Variants in YIPF4 observed in about 807,000 individuals in gnomAD.
YIPF4 encodes Yip1 domain family member 4.
A neutral mutation model predicts 29.4 loss-of-function variants in YIPF4; 18 were observed. That is an observed-to-expected ratio of 0.61 (90% confidence interval 0.42 to 0.91). The LOEUF is 0.91. Ranked by LOEUF, YIPF4 falls within the 40% of genes least tolerant of loss-of-function variation. The pLI is 0.00. For missense variants in YIPF4, 279 were observed against 282.7 expected (o/e 0.99, Z 0.09); for synonymous variants, 115 against 104.7 (o/e 1.10, Z -0.60).
At position 32,315,789 on chromosome 2, in the gene YIPF4, C is replaced by T. The variant is rs1377617713; in HGVS notation, c.*10163C>T. 1 of 151,596 alleles carries T rather than the reference C, an allele frequency of 6.6e-6. No homozygotes were observed. Among genetic ancestry groups the T allele is most frequent in the Non-Finnish European group, 1.5e-5 (1 of 67,924 alleles). 9.4% of individuals were successfully genotyped at this position (151,596 alleles called of 1,614,324 possible). A position where few individuals can be genotyped will look rare whatever the true frequency, so the allele number is the denominator to read the frequency against. ...CTGGATCTATACCTCACTCCTTATA[C>T]CAAAGTACATTACCCTTGTATCAAA... On this transcript the variant is annotated 3_prime_UTR_variant, in exon 6 of 6. Transcript: ENST00000238831.
chr2:32,304,691 A>G (rs1573544316), intron 5 of YIPF4, among the ~76,000 whole-genome samples: 1 of 152,170 alleles, frequency 6.6e-6, no homozygotes, highest in Non-Finnish European at 1.5e-5. Flanking sequence ...AAACGTCAAT[A>G]TTGCAAGGTT....
chr2:32,299,206 G>A (rs1321888608), intron 4 of YIPF4, among the ~76,000 whole-genome samples: 1 of 152,100 alleles, frequency 6.6e-6, no homozygotes, highest in Non-Finnish European at 1.5e-5. Context: ...CTCAAACTTT[G>A]ATCTCAGGTT....
At chr2:32,294,529 C>T (rs1298224084) in intron 3 of YIPF4, among the ~76,000 whole-genome samples, 1 of 151,098 alleles carries the variant, frequency 6.6e-6, no homozygotes, top group Non-Finnish European at 1.5e-5. Context: ...AAGAGGGGCT[C>T]CTCACTTCCT....
chr2:32,306,681 A>G lies in YIPF4; in HGVS notation c.*1055A>G. On this transcript the variant is annotated 3_prime_UTR_variant, in exon 6 of 6. Coordinates refer to ENST00000238831, the MANE Select transcript of YIPF4 (RefSeq NM_032312.4). ...CTAAGGGAAATATTAAGAAATTTTT[A>G]TCAGTGAAATATTTGTTGCAAATAA... 1 of 821,820 alleles carries G rather than the reference A, an allele frequency of 1.2e-6. No homozygotes were observed. Among genetic ancestry groups the G allele is most frequent in the South Asian group, 5.5e-5 (1 of 18,092 alleles). The allele number at this position is 821,820 out of a possible 1,614,324, so 50.9% of individuals were successfully genotyped here.
At position 32,305,608 on chromosome 2, in the gene YIPF4, G is replaced by T; in HGVS notation, c.717G>T (p.Ser239=). 3 of 1,603,764 alleles carry T rather than the reference G, an allele frequency of 1.9e-6. No individual in the cohort carries two copies. The highest frequency in any genetic ancestry group is 1.7e-6 in the Non-Finnish European group (2 of 1,175,998). The stretch of plus-strand genomic sequence containing the variant: ...TTTTATTATACATTTATTTTTTGTC[G>T]TTATATACTGGTGTGTGATCCAAGT... ...PIFLLYIYFL[S]LYTGV Residue 239 remains serine (S), a synonymous_variant, in exon 6 of 6, where the codon TCG becomes TCT. Transcript: ENST00000238831.
chr2:32,282,623 G>A (rs1038165674), intron 1 of YIPF4, among the ~76,000 whole-genome samples: 15 of 152,028 alleles, frequency 9.9e-5, no homozygotes, highest in Non-Finnish European at 1.6e-4. Flanking sequence ...TAGTAGACAC[G>A]GGGTTTCACC....
At chr2:32,293,634 GC>G (rs1160515538) in intron 3 of YIPF4, among the ~76,000 whole-genome samples, 1 of 152,210 alleles carries the variant, frequency 6.6e-6, no homozygotes, top group African/African-American at 2.4e-5. Context: ...TGGTGGCCAG[GC>G]AGAGGGGCTC....
At chr2:32,278,340 G>C in intron 1 of YIPF4, 106 bp downstream of exon 1, 1 of 1,133,264 alleles carries the variant, frequency 8.8e-7, no homozygotes, top group Non-Finnish European at 1.2e-6. Context: ...GGACAGGCAG[G>C]AAGCTGACTG....
Position 32,313,525 on chromosome 2 carries a change from A to T in YIPF4, c.*7899A>T, listed in dbSNP as rs972374893. The stretch of plus-strand genomic sequence containing the variant: ...TGGGATTACAGGTGCCCATCACCAC[A>T]CCCGGCTAATTTTTTTGTTTTTAGT... On this transcript the variant is annotated 3_prime_UTR_variant, in exon 6 of 6. Coordinates refer to ENST00000238831, the MANE Select transcript of YIPF4 (RefSeq NM_032312.4). 1 of 151,554 alleles carries T rather than the reference A, an allele frequency of 6.6e-6. No homozygotes were observed. The highest frequency in any genetic ancestry group is 2.4e-5 in the African/African-American group (1 of 41,218). The allele number at this position is 151,554 out of a possible 1,614,324, so 9.4% of individuals were successfully genotyped here.
chr2:32,286,608 C>T (rs1190985657), intron 1 of YIPF4, among the ~76,000 whole-genome samples: 2 of 151,824 alleles, frequency 1.3e-5, no homozygotes, highest in African/African-American at 2.4e-5. Flanking sequence ...TGCAGTGGCG[C>T]GATCTCAGCT....
In YIPF4 at chr2:32,315,918, G is replaced by T. The variant is rs2031820260; in HGVS notation, c.*10292G>T. On this transcript the variant is annotated 3_prime_UTR_variant, in exon 6 of 6. Coordinates refer to ENST00000238831, the MANE Select transcript of YIPF4 (RefSeq NM_032312.4). ...GCCATGGCCAGGCACGGTGGCTCAT[G>T]CCTGTAATCCCAGCTCTCAGGGAGG... 6.6e-6 allele frequency: 1 copy of T among 151,472 alleles called. No homozygotes were observed. The highest frequency in any genetic ancestry group is 1.5e-5 in the Non-Finnish European group (1 of 67,930). The allele number at this position is 151,472 out of a possible 1,614,324, so 9.4% of individuals were successfully genotyped here.
intron 4 of YIPF4, among the ~76,000 whole-genome samples, chr2:32,298,757 C>T (rs2148965551): frequency 6.6e-6 from 1 of 152,110 alleles, no homozygotes; most frequent in South Asian, 2.1e-4. Context: ...CAGGGTTTCA[C>T]CATGTTGGCC....
At chr2:32,296,891 A>G (rs916391984) in intron 3 of YIPF4, among the ~76,000 whole-genome samples, 14 of 152,102 alleles carry the variant, frequency 9.2e-5, no homozygotes, top group African/African-American at 3.1e-4. Context: ...CAGAATGATG[A>G]TTTTTCTGTT....
In YIPF4 at chr2:32,315,107, T is replaced by A. The variant is rs1395627584; in HGVS notation, c.*9481T>A. ...GTCCATTTATTGCTCTATTCTGCCA[T>A]CTTTGGTGAGTGGCTTTCATCCTCA... On this transcript the variant is annotated 3_prime_UTR_variant, in exon 6 of 6. Transcript: ENST00000238831. 1 of 152,230 alleles carries A rather than the reference T, an allele frequency of 6.6e-6. No homozygotes were observed. The highest frequency in any genetic ancestry group is 1.5e-5 in the Non-Finnish European group (1 of 68,040). The allele number at this position is 152,230 out of a possible 1,614,324, so 9.4% of individuals were successfully genotyped here. A position where few individuals can be genotyped will look rare whatever the true frequency, so the allele number is the denominator to read the frequency against.
intron 1 of YIPF4, among the ~76,000 whole-genome samples, chr2:32,279,107 A>G (rs2030257416): frequency 6.6e-6 from 1 of 151,376 alleles, no homozygotes; most frequent in East Asian, 2.0e-4. Context: ...AGCTGGGGCT[A>G]CAGGCACCCG....
In YIPF4 at chr2:32,312,000, T is replaced by C. The variant is rs2031724026; in HGVS notation, c.*6374T>C. Reference sequence around the variant, plus strand: ...TTCTCCATGTAAAGTATCTTTTTAATAGTAAGCACCATTTAATAATGAAAC... The same window carrying C: ...TTCTCCATGTAAAGTATCTTTTTAACAGTAAGCACCATTTAATAATGAAAC... On this transcript the variant is annotated 3_prime_UTR_variant, in exon 6 of 6. Transcript: ENST00000238831. 1 of 152,216 alleles carries C rather than the reference T, an allele frequency of 6.6e-6. No homozygotes were observed. Among genetic ancestry groups the C allele is most frequent in the African/African-American group, 2.4e-5 (1 of 41,446 alleles). The allele number at this position is 152,216 out of a possible 1,614,324, so 9.4% of individuals were successfully genotyped here.
intron 1 of YIPF4, among the ~76,000 whole-genome samples, chr2:32,288,091 T>C (rs2030753193): frequency 6.6e-6 from 1 of 152,212 alleles, no homozygotes; most frequent in South Asian, 2.1e-4. Context: ...GTTAACTTGA[T>C]AACATGTTAA....
rs759108897 is a variant in YIPF4, at chr2:32,298,224, T to G, written c.406-10T>G. On this transcript the variant is annotated splice_polypyrimidine_tract_variant and intron_variant, in intron 3 of 5. Transcript: ENST00000238831. ...ATAAAAATATTAATTGCATGATTTT[T>G]CCCCCTAAGGTGGTCTCATGGATTA... 1 of 1,581,642 alleles carries G rather than the reference T, an allele frequency of 6.3e-7. No individual in the cohort carries two copies. Among genetic ancestry groups the G allele is most frequent in the East Asian group, 2.3e-5 (1 of 44,406 alleles).
chr2:32,284,458 G>A lies in YIPF4; in HGVS notation c.80-6025G>A, dbSNP rs553933967. On this transcript the variant is annotated intron_variant, in intron 1 of 5. Coordinates refer to ENST00000238831, the MANE Select transcript of YIPF4 (RefSeq NM_032312.4). The stretch of plus-strand genomic sequence containing the variant: ...CATGGGGGTGGACTTCCCTCTTGCT[G>A]TTCTTGTCATAGTGAGTTCTCACAA... 3.1e-3 allele frequency among the ~76,000 whole-genome samples: 471 copies of A among 152,244 alleles called. 2 individuals are homozygous for A. Among genetic ancestry groups the A allele is most frequent in the Non-Finnish European group, 5.4e-3 (369 of 67,996 alleles).
Sources: allele counts gnomAD v4.1 joint callset (sites outside exome capture counted in the v4.1 genomes callset), GRCh38; gene constraint gnomAD v4.1.1; transcripts MANE v1.5; gene names NCBI Gene and HGNC (gene_info 2026-07-23, HGNC 2026-07-21).